ZYX: variants seen among roughly 807,000 people sequenced by gnomAD.
ZYX encodes zyxin.
Under a neutral mutation model 58.1 loss-of-function variants are expected in ZYX, and 37 were observed. The observed-to-expected ratio is 0.64, with a 90% CI of 0.49 to 0.84. ZYX has a LOEUF of 0.84. ZYX is among the 40% of genes least tolerant of loss of function. The probability of loss-of-function intolerance (pLI) is 0.00; values close to 1 mark genes in which losing one functional copy is unlikely to be tolerated. For synonymous variants in ZYX, 324 were observed against 321.1 expected, an observed-to-expected ratio of 1.01 and a Z score of -0.10; for missense variants, 762 against 761.6, an observed-to-expected ratio of 1.00 and a Z score of -0.01.
rs1805025149 is a variant in ZYX at position 143,390,299 on chromosome 7, G to A, written c.1615-279G>A. ...CTGAGAGAAGAGGTCTTCGAATGGA[G>A]GTGAGCCAACCTCTATTTTATTAGG... On this transcript the variant is annotated intron_variant, in intron 9 of 9. Transcript: ENST00000322764. The surrounding 1 kb of genome is among the most constrained non-coding windows in gnomAD (Gnocchi z 4.3). The A allele has an allele frequency of 1.8e-6, 1 of 554,226 alleles. No homozygotes were observed. The highest frequency in any genetic ancestry group is 3.2e-6 in the Non-Finnish European group (1 of 308,502). The allele number at this position is 554,226 out of a possible 1,614,324, so 34.3% of individuals were successfully genotyped here.
Position 143,389,774 on chromosome 7 carries a change from T to C in ZYX, c.1494-83T>C. ...ATGCAGGGCAGAGAAGTCTGCTTCCTTGCTGCCCAACCTGGCTTATGCGTG... is the reference window on the plus strand; with the variant it reads ...ATGCAGGGCAGAGAAGTCTGCTTCCCTGCTGCCCAACCTGGCTTATGCGTG... On this transcript the variant is annotated intron_variant, in intron 8 of 9. Transcript: ENST00000322764. The surrounding 1 kb of genome is among the most constrained non-coding windows in gnomAD (Gnocchi z 5.6). The C allele has an allele frequency of 6.4e-7, 1 of 1,569,834 alleles. No homozygotes were observed. The highest frequency in any genetic ancestry group is 8.6e-7 in the Non-Finnish European group (1 of 1,159,750).
In ZYX at chr7:143,390,837, A is replaced by G. The variant is rs761032772; in HGVS notation, c.*155A>G. On this transcript the variant is annotated 3_prime_UTR_variant, in exon 10 of 10. Transcript: ENST00000322764. This position sits in a 1 kb window ranked among gnomAD's most constrained non-coding sequence, Gnocchi z 4.3. ...CCCAGGTGCCCTGACCCAGGACCCAACATGGTCTAGGGATGCAGGATCCCC... is the reference window on the plus strand; with the variant it reads ...CCCAGGTGCCCTGACCCAGGACCCAGCATGGTCTAGGGATGCAGGATCCCC... 39 of 644,308 alleles carry G rather than the reference A, an allele frequency of 6.1e-5. No homozygotes were observed. The highest frequency in any genetic ancestry group is 9.2e-5 in the Non-Finnish European group (33 of 358,640). The allele number at this position is 644,308 out of a possible 1,614,324, so 39.9% of individuals were successfully genotyped here.
chr7:143,386,482 G>A lies in ZYX; in HGVS notation c.1024-1737G>A, dbSNP rs1022226937. 4.6e-5 allele frequency among the ~76,000 whole-genome samples: 7 copies of A among 152,088 alleles called. No individual in the cohort carries two copies. In the South Asian group the frequency reaches 8.3e-4, roughly 18 times the overall value. On this transcript the variant is annotated intron_variant, in intron 5 of 9. Transcript: ENST00000322764. ...TGGGGAAGGCTGGGCTGGAGGTCGC[G>A]CGGGTGCTGCAGTGTTGTGAGCTCA...
rs946393106 is a variant in ZYX, at chr7:143,389,106, G to A, written c.1493+161G>A. Among the ~76,000 whole-genome samples, 1 of 152,228 alleles carries A rather than the reference G, an allele frequency of 6.6e-6. No homozygotes were observed. Among genetic ancestry groups the A allele is most frequent in the Admixed American group, 6.5e-5 (1 of 15,288 alleles). On this transcript the variant is annotated intron_variant, in intron 8 of 9. Coordinates refer to ENST00000322764, the MANE Select transcript of ZYX (RefSeq NM_003461.5). This position sits in a 1 kb window ranked among gnomAD's most constrained non-coding sequence, Gnocchi z 5.6. Reference sequence around the variant, plus strand: ...GGGACCAAGTCATCGGGATGTAGCTGTCCAGGGGCCTTAGGCCTGGGCATC... The same window carrying A: ...GGGACCAAGTCATCGGGATGTAGCTATCCAGGGGCCTTAGGCCTGGGCATC...
intron 5 of ZYX, among the ~76,000 whole-genome samples, chr7:143,385,908 G>A (rs1416066693): frequency 2.0e-5 from 3 of 151,682 alleles, no homozygotes; most frequent in African/African-American, 7.3e-5. Context: ...GCCTCCCAAA[G>A]TGTTGGGATT....
chr7:143,388,933 C>G lies in ZYX; in HGVS notation c.1481C>G (p.Pro494Arg). 3.7e-6 allele frequency: 6 copies of G among 1,609,986 alleles called. No homozygotes were observed. Among genetic ancestry groups the G allele is most frequent in the Non-Finnish European group, 5.1e-6 (6 of 1,178,630 alleles). The change falls in exon 8 of 10, where the codon CCC (proline) becomes CGC (arginine). Residue 494 changes from proline (P) to arginine (R), a missense_variant. Coordinates refer to ENST00000322764, the MANE Select transcript of ZYX (RefSeq NM_003461.5). This position sits in a 1 kb window ranked among gnomAD's most constrained non-coding sequence, Gnocchi z 7.5. Reference protein sequence around the residue: ...VDQANRPHCVPDYHKQYAPRC... With the variant: ...VDQANRPHCVRDYHKQYAPRC... ...CAGGCCAACCGGCCCCACTGTGTCC[C>G]CGACTACCACAAGTGAGGACCTGCC...
chr7:143,382,324 G>C lies in ZYX; in HGVS notation c.285G>C (p.Pro95=), dbSNP rs764738542. 1 of 1,608,498 alleles carries C rather than the reference G, an allele frequency of 6.2e-7. No homozygotes were observed. ...GTGCTCTGGGAGGTGCCTTCCCGCC[G>C]CCCCCTCCCCCGATCGAGGAATCAT... ...AEGALGGAFP[P]PPPPIEESFP... Residue 95 remains proline (P), a synonymous_variant, in exon 3 of 10, where the codon CCG becomes CCC. Transcript: ENST00000322764.
In ZYX at chr7:143,382,837, C is replaced by G; in HGVS notation, c.538C>G (p.Pro180Ala). 1 of 1,608,280 alleles carries G rather than the reference C, an allele frequency of 6.2e-7. No homozygotes were observed. Among genetic ancestry groups the G allele is most frequent in the Non-Finnish European group, 8.5e-7 (1 of 1,176,898 alleles). The change falls in exon 5 of 10, where the codon CCA becomes GCA. Residue 180 changes from proline to alanine, a missense_variant. Transcript: ENST00000322764. ...SGYVPPPVAT[P>A]FSSKSSTKPA... ...ATATGTGCCCCCACCAGTGGCCACT[C>G]CATTCAGTTCCAAGTCCAGTACCAA... is the stretch of plus-strand genomic sequence containing the variant.
rs1017690241 is a variant in ZYX at position 143,383,079 on chromosome 7, G to A, written c.780G>A (p.Pro260=). 3 of 1,614,134 alleles carry A rather than the reference G, an allele frequency of 1.9e-6. No homozygotes were observed. The highest frequency in any genetic ancestry group is 1.3e-5 in the African/African-American group (1 of 75,026). ...CCCGAGGGCCCCCAGCCTCATCTCC[G>A]GCTCCAGCCCCTAAGTTTTCTCCAG... ...TQPRGPPASS[P]APAPKFSPVT... is the part of the protein sequence containing the mutation. The change falls in exon 5 of 10, where the codon CCG becomes CCA. Residue 260 remains proline, a synonymous_variant. Transcript: ENST00000322764.
In ZYX at chr7:143,381,777, A is replaced by G. The variant is rs1200287068; in HGVS notation, c.206A>G (p.Glu69Gly). The G allele has an allele frequency of 3.8e-6, 6 of 1,569,034 alleles. No homozygotes were observed. In the South Asian group the frequency reaches 4.6e-5, roughly 12 times the overall value. Residue 69 changes from glutamate (E) to glycine (G), a missense_variant and splice_region_variant, in exon 2 of 10, where the codon GAA becomes GGA. Coordinates refer to ENST00000322764, the MANE Select transcript of ZYX (RefSeq NM_003461.5). Reference protein sequence around the residue: ...RVGEIPPPPPEDFPLPPPPLA... With the variant: ...RVGEIPPPPPGDFPLPPPPLA... The stretch of plus-strand genomic sequence containing the variant: ...GGCGAGATTCCCCCGCCGCCCCCGG[A>G]AGGTATGCGGCGGGGCTTGGGGAAT...
chr7:143,386,457 T>C (rs1804870903), intron 5 of ZYX, among the ~76,000 whole-genome samples: 1 of 151,534 alleles, frequency 6.6e-6, no homozygotes, highest in Non-Finnish European at 1.5e-5. Flanking sequence ...ACGGCTGCTG[T>C]GGGGAAGGCT....
intron 3 of ZYX, 55 bp from the exon 4 acceptor site, chr7:143,382,538 T>C: frequency 6.2e-7 from 1 of 1,603,428 alleles, no homozygotes; most frequent in Non-Finnish European, 8.5e-7. Context: ...CACCTCTGCC[T>C]TGGGGGTGGG....
At chr7:143,382,772 ATC>A in intron 4 of ZYX, 27 bp from the exon 5 acceptor site, 1 of 1,610,698 alleles carries the variant, frequency 6.2e-7, no homozygotes, top group South Asian at 1.1e-5. Flanking sequence ...TCCTGACTGC[ATC>A]TCTCTTCCCT....
Position 143,388,131 on chromosome 7 carries a change from C to A in ZYX, c.1024-88C>A. The A allele has an allele frequency of 6.8e-7, 1 of 1,476,472 alleles. No homozygotes were observed. The highest frequency in any genetic ancestry group is 1.3e-5 in the South Asian group (1 of 75,602). The allele number at this position is 1,476,472 out of a possible 1,614,324, so 91.5% of individuals were successfully genotyped here. On this transcript the variant is annotated intron_variant, in intron 5 of 9. Coordinates refer to ENST00000322764, the MANE Select transcript of ZYX (RefSeq NM_003461.5). The surrounding 1 kb of genome is among the most constrained non-coding windows in gnomAD (Gnocchi z 7.5). Reference sequence around the variant, plus strand: ...CTGGGACACGAGCTGGGAGCTAAGCCTCATCGGAAGAAGCCGGGTAGGCTG... The same window carrying A: ...CTGGGACACGAGCTGGGAGCTAAGCATCATCGGAAGAAGCCGGGTAGGCTG...
At position 143,388,459 on chromosome 7, in the gene ZYX, A is replaced by G. The variant is rs373373502; in HGVS notation, c.1145-30A>G. The G allele has an allele frequency of 8.4e-5, 135 of 1,607,042 alleles. No individual in the cohort carries two copies. The highest frequency in any genetic ancestry group is 3.3e-4 in the Middle Eastern group (2 of 6,034). On this transcript the variant is annotated intron_variant, in intron 6 of 9. Transcript: ENST00000322764. This position sits in a 1 kb window ranked among gnomAD's most constrained non-coding sequence, Gnocchi z 7.5. The stretch of plus-strand genomic sequence containing the variant: ...CTCGCAGCTCTACATACTTCCTTCT[A>G]TTTACTGCTGTCTTCTCTGGCCTTC...
In ZYX at chr7:143,381,798, G is replaced by C; in HGVS notation, c.208+19G>C. 1 of 1,529,292 alleles carries C rather than the reference G, an allele frequency of 6.5e-7. No individual in the cohort carries two copies. Among genetic ancestry groups the C allele is most frequent in the Non-Finnish European group, 8.8e-7 (1 of 1,138,250 alleles). 94.7% of individuals were successfully genotyped at this position (1,529,292 alleles called of 1,614,324 possible). A position where few individuals can be genotyped will look rare whatever the true frequency, so the allele number is the denominator to read the frequency against. ...CCGGAAGGTATGCGGCGGGGCTTGG[G>C]GAATGTACCCCGGCAGGAGCCGGGG... On this transcript the variant is annotated intron_variant, in intron 2 of 9. Transcript: ENST00000322764.
At position 143,388,501 on chromosome 7, in the gene ZYX, G is replaced by A. The variant is rs1407844238; in HGVS notation, c.1157G>A (p.Arg386Gln). Residue 386 changes from arginine (R) to glutamine (Q), a missense_variant, in exon 7 of 10, where the codon CGA becomes CAA. Coordinates refer to ENST00000322764, the MANE Select transcript of ZYX (RefSeq NM_003461.5). The surrounding 1 kb of genome is among the most constrained non-coding windows in gnomAD (Gnocchi z 7.5). ...CTGGCCTTCCCAGAACTCTGCGGCC[G>A]ATGCCATCAACCCCTGGCCCGGGCG... ...QNVAVNELCG[R>Q]CHQPLARAQP... 1.2e-5 allele frequency: 20 copies of A among 1,609,848 alleles called. No individual in the cohort carries two copies. The Admixed American group carries it at 1.7e-4, about 13-fold the overall frequency.
chr7:143,381,487 A>G (rs1804572077), intron 1 of ZYX, 70 bp from the exon 2 acceptor site: 2 of 1,441,412 alleles, frequency 1.4e-6, no homozygotes, highest in African/African-American at 1.5e-5. Context: ...GGGGGTCACC[A>G]AGGGGAGCTG....
chr7:143,390,946 G>T lies in ZYX; in HGVS notation c.*264G>T. 2.0e-6 allele frequency: 1 copy of T among 493,974 alleles called. No homozygotes were observed. 30.6% of individuals were successfully genotyped at this position (493,974 alleles called of 1,614,324 possible). On this transcript the variant is annotated 3_prime_UTR_variant, in exon 10 of 10. Coordinates refer to ENST00000322764, the MANE Select transcript of ZYX (RefSeq NM_003461.5). This position sits in a 1 kb window ranked among gnomAD's most constrained non-coding sequence, Gnocchi z 4.3. The stretch of plus-strand genomic sequence containing the variant: ...CCACCTGAGGGGGGCACCAGGTTTA[G>T]TGCTGCTGCTTTCACTGCTGCACCC...
Sources: allele counts gnomAD v4.1 joint callset (sites outside exome capture counted in the v4.1 genomes callset), GRCh38; gene constraint gnomAD v4.1.1; non-coding constraint Gnocchi (gnomAD v3.1); transcripts MANE v1.5; gene names NCBI Gene and HGNC (gene_info 2026-07-23, HGNC 2026-07-21).